The following NQO1 variants were observed in gnomAD, a reference collection of about 807,000 sequenced individuals.
NQO1 encodes the protein NAD(P)H dehydrogenase [quinone] 1.
NQO1 carries 30 observed loss-of-function variants against 32.1 expected under a neutral mutation model. The observed-to-expected ratio is 0.94, with a 90% CI of 0.70 to 1.27. NQO1 has a LOEUF of 1.27. NQO1 is among the 50% of genes most tolerant of loss of function. NQO1 has a pLI of 0.00. For synonymous variants in NQO1, 109 were observed against 119.7 expected, an observed-to-expected ratio of 0.91 and a Z score of 0.59; for missense variants, 276 against 331.3, an observed-to-expected ratio of 0.83 and a Z score of 1.30.
intron 1 of NQO1, among the ~76,000 whole-genome samples, chr16:69,723,076 C>A (rs555135666): frequency 1.3e-5 from 2 of 152,088 alleles, no homozygotes; most frequent in South Asian, 2.1e-4. Context: ...TACAGGCGCT[C>A]GCCGCCACGC....
intron 3 of NQO1, among the ~76,000 whole-genome samples, chr16:69,715,728 A>G (rs943482918): frequency 1.3e-5 from 2 of 152,232 alleles, no homozygotes; most frequent in African/African-American, 2.4e-5. Flanking sequence ...AGATCGTGCC[A>G]CTGCACTCCA....
At chr16:69,714,878 TCAAA>T (rs71534276) in intron 4 of NQO1, 82 bp downstream of exon 4, 474 of 952,584 alleles carry the variant, frequency 5.0e-4, no homozygotes, top group Non-Finnish European at 5.9e-4. Flanking sequence ...AAGCTCCATC[TCAAA>T]CAAACAAACA....
At position 69,709,952 on chromosome 16, in the gene NQO1, G is replaced by A. The variant is rs1387678426; in HGVS notation, c.*1024C>T. 2.5e-6 allele frequency: 1 copy of A among 396,334 alleles called. No individual in the cohort carries two copies. The highest frequency in any genetic ancestry group is 3.6e-5 in the East Asian group (1 of 27,946). 24.6% of individuals were successfully genotyped at this position (396,334 alleles called of 1,614,324 possible). A position where few individuals can be genotyped will look rare whatever the true frequency, so the allele number is the denominator to read the frequency against. On this transcript the variant is annotated 3_prime_UTR_variant, in exon 6 of 6. Coordinates refer to ENST00000320623, the MANE Select transcript of NQO1 (RefSeq NM_000903.3). ...ATTTTTTGTGGAAGACTATTTTTAA[G>A]TATTGAAGGTACTATTTCCTTTCTT...
rs2038009840 is a variant in NQO1 at position 69,709,588 on chromosome 16, C to G, written c.*1388G>C. On this transcript the variant is annotated 3_prime_UTR_variant, in exon 6 of 6. Coordinates refer to ENST00000320623, the MANE Select transcript of NQO1 (RefSeq NM_000903.3). The stretch of plus-strand genomic sequence containing the variant: ...GCATCTGGTAAAGGAGGTTTTCCAG[C>G]TCGGTCCAATCCCTTCATTTTCTTG... 1 of 391,940 alleles carries G rather than the reference C, an allele frequency of 2.6e-6. No individual in the cohort carries two copies. Among genetic ancestry groups the G allele is most frequent in the Non-Finnish European group, 4.5e-6 (1 of 222,428 alleles). 24.3% of individuals were successfully genotyped at this position (391,940 alleles called of 1,614,324 possible).
At chr16:69,725,474 G>A (rs955899438) in intron 1 of NQO1, among the ~76,000 whole-genome samples, 5 of 152,170 alleles carry the variant, frequency 3.3e-5, no homozygotes, top group Non-Finnish European at 5.9e-5. Context: ...AGTTCCCCTA[G>A]GGTCGATGGC....
intron 4 of NQO1, among the ~76,000 whole-genome samples, chr16:69,713,799 G>A (rs2151743173): frequency 6.6e-6 from 1 of 151,850 alleles, no homozygotes; most frequent in East Asian, 1.9e-4. Context: ...CTGTCTCCCG[G>A]GTTCAAGTGA....
At chr16:69,725,242 C>G (rs1212174743) in intron 1 of NQO1, among the ~76,000 whole-genome samples, 2 of 152,188 alleles carry the variant, frequency 1.3e-5, no homozygotes, top group African/African-American at 2.4e-5. Flanking sequence ...CTCACTTTGA[C>G]CAAGATGGGC....
intron 3 of NQO1, among the ~76,000 whole-genome samples, chr16:69,715,716 C>T (rs1378407724): frequency 1.3e-5 from 2 of 152,148 alleles, no homozygotes; most frequent in East Asian, 1.9e-4. Context: ...TACAGTGAGC[C>T]GAGATCGTGC....
intron 1 of NQO1, among the ~76,000 whole-genome samples, chr16:69,719,424 T>A (rs1597601773): frequency 1.3e-5 from 2 of 152,186 alleles, no homozygotes; most frequent in East Asian, 3.9e-4. Flanking sequence ...TGATTGTCTA[T>A]GGGGAACATT....
chr16:69,715,140 G>A (rs1288265016), intron 3 of NQO1, 63 bp from the exon 4 acceptor site: 16 of 1,234,764 alleles, frequency 1.3e-5, no homozygotes, highest in Admixed American at 8.4e-5. Context: ...AAGGTGGCTC[G>A]GAGTGCTGAG....
In NQO1 at chr16:69,710,732, A is replaced by C. The variant is rs1017968392; in HGVS notation, c.*244T>G. 2.0e-6 allele frequency: 1 copy of C among 492,196 alleles called. No individual in the cohort carries two copies. The highest frequency in any genetic ancestry group is 1.9e-5 in the African/African-American group (1 of 51,686). 30.5% of individuals were successfully genotyped at this position (492,196 alleles called of 1,614,324 possible). A position where few individuals can be genotyped will look rare whatever the true frequency, so the allele number is the denominator to read the frequency against. On this transcript the variant is annotated 3_prime_UTR_variant, in exon 6 of 6. Transcript: ENST00000320623. The stretch of plus-strand genomic sequence containing the variant: ...TGCCTTTAAAGAACATTTTTCTAGC[A>C]TCTTTCTACATCTTTCCCTAAGTGG...
intron 3 of NQO1, among the ~76,000 whole-genome samples, chr16:69,716,226 T>C (rs1038408802): frequency 1.3e-5 from 2 of 150,854 alleles, no homozygotes; most frequent in Non-Finnish European, 2.9e-5. Context: ...TAGGTGCAGT[T>C]GCTCATGCCT....
At chr16:69,713,430 T>C (rs1296783617) in intron 4 of NQO1, among the ~76,000 whole-genome samples, 2 of 152,168 alleles carry the variant, frequency 1.3e-5, no homozygotes, top group African/African-American at 2.4e-5. Context: ...GGTGGAGTTA[T>C]TGGTTGTTCT....
intron 1 of NQO1, among the ~76,000 whole-genome samples, chr16:69,719,093 A>G (rs1383407010): frequency 1.3e-5 from 2 of 152,024 alleles, no homozygotes; most frequent in African/African-American, 4.8e-5. Flanking sequence ...AAAATGAGAC[A>G]TTTACCCATT....
At chr16:69,723,785 G>A (rs984441274) in intron 1 of NQO1, among the ~76,000 whole-genome samples, 3 of 152,120 alleles carry the variant, frequency 2.0e-5, no homozygotes, top group African/African-American at 7.2e-5. Context: ...CTGCGCAACA[G>A]AGCAAGCCTC....
rs2038061691 is a variant in NQO1 at position 69,713,035 on chromosome 16, G to T, written c.512C>A (p.Pro171Gln). The T allele has an allele frequency of 1.9e-6, 3 of 1,612,560 alleles. No individual in the cohort carries two copies. The East Asian group carries it at 6.7e-5, about 36-fold the overall frequency. Residue 171 changes from proline to glutamine, a missense_variant, in exon 5 of 6, where the codon CCA becomes CAA. Pro to Gln is a moderately conservative substitution (Grantham distance 76). Coordinates refer to ENST00000320623, the MANE Select transcript of NQO1 (RefSeq NM_000903.3). The part of the protein sequence containing the change: ...IHGDMNVILW[P>Q]IQSGILHFCG... The stretch of plus-strand genomic sequence containing the variant: ...GAAAAGAAAATGAGGTACCTGAATT[G>T]GCCAGAGAATGACATTCATGTCCCC...
At chr16:69,712,446 C>G (rs1418778625) in intron 5 of NQO1, among the ~76,000 whole-genome samples, 1 of 152,130 alleles carries the variant, frequency 6.6e-6, no homozygotes, top group African/African-American at 2.4e-5. Flanking sequence ...TCTGGTGAGA[C>G]CAGGGCCCAC....
At chr16:69,714,531 A>G (rs1029659970) in intron 4 of NQO1, among the ~76,000 whole-genome samples, 1 of 151,928 alleles carries the variant, frequency 6.6e-6, no homozygotes, top group Non-Finnish European at 1.5e-5. Context: ...AAACTTGATC[A>G]TGCGTCTCTC....
intron 1 of NQO1, 79 bp downstream of exon 1, chr16:69,726,354 C>A: frequency 6.3e-7 from 1 of 1,578,276 alleles, no homozygotes; most frequent in Non-Finnish European, 8.6e-7. Flanking sequence ...AAATTCAGGG[C>A]CAAGCCCCTA....
Sources: gnomAD v4.1 joint callset for allele counts (sites outside exome capture counted in the v4.1 genomes callset) on GRCh38, gnomAD v4.1.1 for gene constraint, MANE v1.5 for transcripts, NCBI Gene and HGNC (gene_info 2026-07-23, HGNC 2026-07-21) for gene names.